HTT: variants seen among roughly 807,000 people sequenced by gnomAD.
HTT encodes huntingtin.
In HTT, 104 loss-of-function variants were observed where a neutral mutation model predicts 362.3. The observed-to-expected ratio is 0.29, with a 90% CI of 0.24 to 0.34. The LOEUF (loss-of-function observed/expected upper bound fraction) is 0.34. HTT is among the 10% of genes least tolerant of loss of function. The pLI, the probability that HTT is intolerant of heterozygous loss-of-function variation, is 1.00. For synonymous variants in HTT, 1,577 were observed against 1,548.7 expected, an observed-to-expected ratio of 1.02 and a Z score of -0.43; for missense variants, 3,301 against 3,928.6, an observed-to-expected ratio of 0.84 and a Z score of 4.27.
chr4:3,234,464 T>A (rs1721424732), intron 61 of HTT, among the ~76,000 whole-genome samples: 1 of 152,194 alleles, frequency 6.6e-6, no homozygotes, highest in African/African-American at 2.4e-5. Context: ...GCACATATGT[T>A]GGTGCAGTGA....
In HTT at chr4:3,236,237, A is replaced by G; in HGVS notation, c.8874A>G (p.Val2958=). 2 of 1,613,042 alleles carry G rather than the reference A, an allele frequency of 1.2e-6. No homozygotes were observed. The highest frequency in any genetic ancestry group is 1.7e-6 in the Non-Finnish European group (2 of 1,178,970). Residue 2958 remains valine, a synonymous_variant, in exon 64 of 67, where the codon GTA becomes GTG. Coordinates refer to ENST00000355072, the MANE Select transcript of HTT (RefSeq NM_001388492.1). ...CAGTGATTGTTGCTATGGAGCGGGT[A>G]TCTGTTCTTTTTGATAGGTAAGAAG... ...SESVIVAMER[V]SVLFDRIRKG...
chr4:3,139,032 C>A (rs572237536), intron 21 of HTT, among the ~76,000 whole-genome samples: 2 of 152,118 alleles, frequency 1.3e-5, no homozygotes, highest in South Asian at 4.2e-4. Context: ...GAAAAGAAAA[C>A]CAAAGTTACA....
In HTT at chr4:3,177,345, T is replaced by G. The variant is rs757123370; in HGVS notation, c.4421T>G (p.Phe1474Cys). 5.0e-6 allele frequency: 8 copies of G among 1,601,504 alleles called. No homozygotes were observed. The highest frequency in any genetic ancestry group is 6.8e-6 in the Non-Finnish European group (8 of 1,174,704). ...LLDSDQVFIG[F>C]VLKQFEYIEV... is the part of the protein sequence containing the mutation. ...TCCTTCCTGTAGGTGTTTATTGGCT[T>G]TGTATTGAAACAGTTTGAATACATT... The change falls in exon 34 of 67, where the codon TTT becomes TGT. Residue 1474 changes from phenylalanine (F) to cysteine (C), a missense_variant. Transcript: ENST00000355072.
Position 3,218,500 on chromosome 4 carries a change from G to C in HTT, c.7242+548G>C, listed in dbSNP as rs1447465453. On this transcript the variant is annotated intron_variant, in intron 52 of 66. Coordinates refer to ENST00000355072, the MANE Select transcript of HTT (RefSeq NM_001388492.1). The surrounding 1 kb of genome is among the most constrained non-coding windows in gnomAD (Gnocchi z 4.4). ...ATATAAAAATTAGCCAGGTGTGGTG[G>C]TGTACGCCTGTAATCCCAGCTACTC... 6.6e-6 allele frequency among the ~76,000 whole-genome samples: 1 copy of C among 152,164 alleles called. No homozygotes were observed. Among genetic ancestry groups the C allele is most frequent in the South Asian group, 2.1e-4 (1 of 4,828 alleles).
intron 21 of HTT, among the ~76,000 whole-genome samples, chr4:3,139,291 G>T (rs140883199): frequency 6.6e-6 from 1 of 152,156 alleles, no homozygotes; most frequent in Non-Finnish European, 1.5e-5. Flanking sequence ...ATTGCCTCCT[G>T]GGTTCAAGCG....
chr4:3,213,016 G>C (rs928826599), intron 49 of HTT: 3 of 319,512 alleles, frequency 9.4e-6, no homozygotes, highest in Non-Finnish European at 1.8e-5. Context: ...TATGTCTTAA[G>C]TTGGCCTGGA....
At position 3,127,437 on chromosome 4, in the gene HTT, G is replaced by A. The variant is rs759397865; in HGVS notation, c.1576G>A (p.Glu526Lys). The A allele has an allele frequency of 6.2e-7, 1 of 1,614,162 alleles. No homozygotes were observed. The highest frequency in any genetic ancestry group is 8.5e-7 in the Non-Finnish European group (1 of 1,180,016). Residue 526 changes from glutamate to lysine, a missense_variant, in exon 12 of 67, where the codon GAG becomes AAG. Glu to Lys is a moderately conservative substitution (Grantham distance 56). This residue lies in a region of HTT where 2,316 missense variants were observed against 2,658.5 expected (regional missense o/e 0.87). Transcript: ENST00000355072. ...DLTSSATDGDEEDILSHSSSQ... is the reference protein window; with the variant it reads ...DLTSSATDGDKEDILSHSSSQ... ...GACAAGCTCTGCCACTGATGGGGAT[G>A]AGGAGGATATCTTGAGCCACAGCTC...
At chr4:3,189,172 G>A in intron 40 of HTT, 79 bp downstream of exon 40, 1 of 1,423,008 alleles carries the variant, frequency 7.0e-7, no homozygotes, top group South Asian at 1.3e-5. Flanking sequence ...TAGGAGCTGT[G>A]CTGCCCGGTA....
chr4:3,233,521 G>A lies in HTT; in HGVS notation c.8456+168G>A, dbSNP rs555215422. On this transcript the variant is annotated intron_variant, in intron 61 of 66. Coordinates refer to ENST00000355072, the MANE Select transcript of HTT (RefSeq NM_001388492.1). ...AGGTCAGTGAGACGCAAGAGCACAG[G>A]TGCGTCCTAGAGGCTTCCTCGGGCA... Among the ~76,000 whole-genome samples the A allele has an allele frequency of 2.8e-4, 42 of 152,322 alleles. 1 individual carries two copies. Among genetic ancestry groups the A allele is most frequent in the African/African-American group, 9.9e-4 (41 of 41,572 alleles).
intron 4 of HTT, among the ~76,000 whole-genome samples, chr4:3,105,017 T>C (rs1714354412): frequency 6.6e-6 from 1 of 152,232 alleles, no homozygotes. Context: ...TTTCCATCAC[T>C]GAGCAAACTT....
chr4:3,110,936 A>G (rs1231181637), intron 6 of HTT, among the ~76,000 whole-genome samples: 1 of 152,134 alleles, frequency 6.6e-6, no homozygotes, highest in African/African-American at 2.4e-5. Context: ...ATTGACTCAC[A>G]TCTTACCTTT....
chr4:3,183,713 CT>C (rs1344677328), intron 37 of HTT, among the ~76,000 whole-genome samples: 1 of 151,820 alleles, frequency 6.6e-6, no homozygotes, highest in Non-Finnish European at 1.5e-5. Context: ...GAATGGTGCC[CT>C]GGAAGCTTTA....
At chr4:3,134,576 A>T (rs755908733) in intron 19 of HTT, 36 bp downstream of exon 19, 1 of 1,584,944 alleles carries the variant, frequency 6.3e-7, no homozygotes, top group East Asian at 2.2e-5. Context: ...TCATGAACTA[A>T]GCTCAATTGA....
At chr4:3,222,238 G>A (rs899236231) in intron 53 of HTT, 149 bp from the exon 54 acceptor site, 4 of 606,380 alleles carry the variant, frequency 6.6e-6, no homozygotes, top group Non-Finnish European at 3.0e-6. Context: ...AGTGTTCCCC[G>A]CATCATAGAA....
chr4:3,235,689 T>C lies in HTT; in HGVS notation c.8696T>C (p.Leu2899Pro), dbSNP rs1721492414. 1 of 1,613,414 alleles carries C rather than the reference T, an allele frequency of 6.2e-7. No individual in the cohort carries two copies. The highest frequency in any genetic ancestry group is 8.5e-7 in the Non-Finnish European group (1 of 1,180,038). Reference protein sequence around the residue: ...EQLSRLDAESLVKLSVDRVNV... With the variant: ...EQLSRLDAESPVKLSVDRVNV... ...CTCTCCCGCCTGGATGCAGAATCGCTGGTCAAGCTGAGTGTGGACAGAGTG... is the reference window on the plus strand; with the variant it reads ...CTCTCCCGCCTGGATGCAGAATCGCCGGTCAAGCTGAGTGTGGACAGAGTG... Residue 2899 changes from leucine to proline, a missense_variant, in exon 63 of 67, where the codon CTG becomes CCG. Coordinates refer to ENST00000355072, the MANE Select transcript of HTT (RefSeq NM_001388492.1).
At chr4:3,197,175 C>T (rs1011404486) in intron 40 of HTT, among the ~76,000 whole-genome samples, 31 of 152,080 alleles carry the variant, frequency 2.0e-4, no homozygotes, top group Admixed American at 2.0e-4. Flanking sequence ...CATGGTCTCT[C>T]GTTACTGTTT....
chr4:3,121,584 AG>A, intron 9 of HTT, 152 bp downstream of exon 9: 2 of 549,456 alleles, frequency 3.6e-6, no homozygotes, highest in Non-Finnish European at 6.5e-6. Context: ...TTTTATAAAT[AG>A]GGGAGTTGGG....
intron 9 of HTT, among the ~76,000 whole-genome samples, chr4:3,122,563 A>G (rs888895365): frequency 3.9e-5 from 6 of 152,224 alleles, no homozygotes; most frequent in African/African-American, 9.7e-5. Flanking sequence ...ATGAGTGGAA[A>G]TACCCATCGC....
chr4:3,187,007 C>T (rs1718795405), intron 38 of HTT, among the ~76,000 whole-genome samples: 2 of 147,504 alleles, frequency 1.4e-5, no homozygotes, highest in East Asian at 4.0e-4. Flanking sequence ...TACAAGCGCC[C>T]ACCACCACGC....
Sources: allele counts gnomAD v4.1 joint callset (sites outside exome capture counted in the v4.1 genomes callset), GRCh38; gene constraint gnomAD v4.1.1; regional missense constraint gnomAD v4.1.1; non-coding constraint Gnocchi (gnomAD v3.1); transcripts MANE v1.5; gene names NCBI Gene and HGNC (gene_info 2026-07-23, HGNC 2026-07-21).